KLK13: variants seen among roughly 807,000 people sequenced by gnomAD.
KLK13 encodes the protein kallikrein related peptidase 13.
A neutral mutation model predicts 22.4 loss-of-function variants in KLK13; 19 were observed. The ratio of observed to expected loss-of-function variants is 0.85; its 90% CI spans 0.59 to 1.24. The LOEUF (loss-of-function observed/expected upper bound fraction) is 1.24. Ranked by LOEUF, KLK13 falls within the 50% of genes most tolerant of loss-of-function variation. The pLI is 0.00. For missense variants in KLK13, 311 were observed against 347.9 expected, an observed-to-expected ratio of 0.89 and a Z score of 0.84; for synonymous variants, 156 against 141.8, an observed-to-expected ratio of 1.10 and a Z score of -0.71.
chr19:51,064,690 C>G (rs551334281), intron 1 of KLK13: 68 of 603,926 alleles, frequency 1.1e-4, no homozygotes, highest in South Asian at 5.2e-4. Context: ...AAAGCAGCTG[C>G]TAGGCTACTG....
chr19:51,055,754 T>C lies in KLK13; in HGVS notation c.*833A>G, dbSNP rs535821696. Among the ~76,000 whole-genome samples the C allele has an allele frequency of 1.7e-4, 26 of 152,338 alleles. No individual in the cohort carries two copies. Among genetic ancestry groups the C allele is most frequent in the African/African-American group, 6.0e-4 (25 of 41,568 alleles). On this transcript the variant is annotated 3_prime_UTR_variant, in exon 5 of 5. Transcript: ENST00000595793. The stretch of plus-strand genomic sequence containing the variant: ...ACTTGTCCAAAGCAAGGATTTGCAC[T>C]ACATTTTAGGGTCATGCACAAAGAT...
upstream of KLK13, chr19:51,065,093 AGGGCGGGCG>A: frequency 1.5e-5 from 5 of 333,416 alleles, no homozygotes; most frequent in Non-Finnish European, 2.4e-5. Flanking sequence ...AGGGGAGGGC[AGGGCGGGCG>A]GGGCCTGAGG....
chr19:51,058,573 C>A lies in KLK13; in HGVS notation c.610G>T (p.Ala204Ser), dbSNP rs1347565519. The change falls in exon 4 of 5, where the codon GCC (alanine) becomes TCC (serine). Residue 204 changes from alanine to serine, a missense_variant. Transcript: ENST00000595793. ...PGKITDNMLCAGTKEGGKDSC... is the reference protein window; with the variant it reads ...PGKITDNMLCSGTKEGGKDSC... ...TCTTTGCCACCCTCTTTTGTGCCGG[C>A]ACACAACATGTTGTCAGTGATCTTT... 1 of 1,614,176 alleles carries A rather than the reference C, an allele frequency of 6.2e-7. No individual in the cohort carries two copies. The highest frequency in any genetic ancestry group is 1.7e-5 in the Admixed American group (1 of 60,020).
upstream of KLK13, chr19:51,065,099 G>T: frequency 2.9e-6 from 4 of 1,395,508 alleles, no homozygotes; most frequent in Non-Finnish European, 3.9e-6. Context: ...GGGCAGGGCG[G>T]GCGGGGCCTG....
chr19:51,059,707 A>C, intron 3 of KLK13, 118 bp downstream of exon 3: 1 of 598,786 alleles, frequency 1.7e-6, no homozygotes, highest in Non-Finnish European at 2.4e-6. Flanking sequence ...ATATATATTT[A>C]TTTACTTATT....
intron 3 of KLK13, 30 bp from the exon 4 acceptor site, chr19:51,058,704 A>G (rs754266261): frequency 1.7e-5 from 28 of 1,612,848 alleles, no homozygotes; most frequent in Admixed American, 6.7e-5. Context: ...GGTCTAAGGT[A>G]TCCGACCTGG....
At chr19:51,065,092 C>CG, upstream of KLK13, 1 of 495,930 alleles carries the variant, frequency 2.0e-6, no homozygotes. Flanking sequence ...GAGGGGAGGG[C>CG]AGGGCGGGCG....
At chr19:51,065,094 G>T, upstream of KLK13, 4 of 1,458,552 alleles carry the variant, frequency 2.7e-6, no homozygotes, top group Non-Finnish European at 3.7e-6. Context: ...GGGGAGGGCA[G>T]GGCGGGCGGG....
In KLK13 at chr19:51,065,038, G is replaced by T; in HGVS notation, c.30C>A (p.Ser10=). Reference sequence around the variant, plus strand: ...TACCTCCTGACAAGGCCAAGGTCAGGGAGGCGATCACTAGGGCCAGGGGCC... The same window carrying T: ...TACCTCCTGACAAGGCCAAGGTCAGTGAGGCGATCACTAGGGCCAGGGGCC... The part of the protein sequence containing the change: MWPLALVIA[S]LTLALSGGVS... The change falls in exon 1 of 5, where the codon TCC becomes TCA. Residue 10 remains serine, a synonymous_variant. Coordinates refer to ENST00000595793, the MANE Select transcript of KLK13 (RefSeq NM_015596.3). The T allele has an allele frequency of 6.4e-7, 1 of 1,554,702 alleles. No homozygotes were observed. Among genetic ancestry groups the T allele is most frequent in the South Asian group, 1.2e-5 (1 of 84,110 alleles).
chr19:51,064,726 G>A (rs2091764070), intron 1 of KLK13: 1 of 637,204 alleles, frequency 1.6e-6, no homozygotes, highest in Non-Finnish European at 2.9e-6. Flanking sequence ...GTCAGGACGC[G>A]AACCCATGTC....
At chr19:51,056,924 G>A (rs190756592) in intron 4 of KLK13, 149 bp from the exon 5 acceptor site, 32 of 599,534 alleles carry the variant, frequency 5.3e-5, no homozygotes, top group African/African-American at 4.4e-4. Context: ...CACACACAGT[G>A]TGAGAGAAAG....
At chr19:51,063,680 A>G in intron 1 of KLK13, 2 of 456,604 alleles carry the variant, frequency 4.4e-6, no homozygotes, top group South Asian at 3.1e-5. Context: ...GAATCCAGGG[A>G]GTGTCGCCAG....
intron 1 of KLK13, among the ~76,000 whole-genome samples, chr19:51,061,162 C>T (rs1441521272): frequency 6.6e-6 from 1 of 151,720 alleles, no homozygotes; most frequent in East Asian, 1.9e-4. Flanking sequence ...TCTGTCCCTC[C>T]ATCCACTGGT....
Position 51,059,878 on chromosome 19 carries a change from G to A in KLK13, c.455C>T (p.Thr152Ile). 1.9e-6 allele frequency: 3 copies of A among 1,604,672 alleles called. No homozygotes were observed. The highest frequency in any genetic ancestry group is 1.7e-4 in the Middle Eastern group (1 of 6,010). ...AGACACCCGACAGGTGGTGCCAGGGGTTAGGCGGTTGTTGTGGGAAAGGGG... is the reference window on the plus strand; with the variant it reads ...AGACACCCGACAGGTGGTGCCAGGGATTAGGCGGTTGTTGTGGGAAAGGGG... ...TLPLSHNNRL[T>I]PGTTCRVSGW... Residue 152 changes from threonine (T) to isoleucine (I), a missense_variant, in exon 3 of 5, where the codon ACC (threonine) becomes ATC (isoleucine). By Grantham distance (89) the Thr-to-Ile change is moderately conservative. Transcript: ENST00000595793.
At chr19:51,057,401 T>C (rs28398128) in intron 4 of KLK13, among the ~76,000 whole-genome samples, 6 of 152,216 alleles carry the variant, frequency 3.9e-5, no homozygotes, top group African/African-American at 1.4e-4. Context: ...CTCTTATTTT[T>C]AAAAAATTAA....
At position 51,056,839 on chromosome 19, in the gene KLK13, A is replaced by T. The variant is rs1009877269; in HGVS notation, c.646-64T>A. ...TGCTGGGGCTAAACAAGGCAGGGAC[A>T]GGGAGGTGTGGGGAGAGAGTGAAAG... On this transcript the variant is annotated intron_variant, in intron 4 of 4. Transcript: ENST00000595793. The T allele has an allele frequency of 8.5e-6, 11 of 1,300,182 alleles. No individual in the cohort carries two copies. In the Middle Eastern group the frequency reaches 6.4e-4, roughly 75 times the overall value. The allele number at this position is 1,300,182 out of a possible 1,614,324, so 80.5% of individuals were successfully genotyped here. A position where few individuals can be genotyped will look rare whatever the true frequency, so the allele number is the denominator to read the frequency against.
Position 51,060,556 on chromosome 19 carries a change from C to T in KLK13, c.116G>A (p.Gly39Asp). Residue 39 changes from glycine (G) to aspartate (D), a missense_variant, in exon 2 of 5, where the codon GGC becomes GAC. Coordinates refer to ENST00000595793, the MANE Select transcript of KLK13 (RefSeq NM_015596.3). Reference sequence around the variant, plus strand: ...CTGAGAGTGGGGGAAGCAGGTGTAGCCACCTGGGAGAAACCCACTGGTCCC... The same window carrying T: ...CTGAGAGTGGGGGAAGCAGGTGTAGTCACCTGGGAGAAACCCACTGGTCCC... ...TNGTSGFLPG[G>D]YTCFPHSQPW... The T allele has an allele frequency of 6.2e-7, 1 of 1,613,770 alleles. No homozygotes were observed. Among genetic ancestry groups the T allele is most frequent in the Non-Finnish European group, 8.5e-7 (1 of 1,179,788 alleles).
In KLK13 at chr19:51,059,762, A is replaced by ATGTTTCCT. The variant is rs762735061; in HGVS notation, c.508+62_508+63insAGGAAACA. 12 of 1,377,392 alleles carry ATGTTTCCT rather than the reference A, an allele frequency of 8.7e-6. No individual in the cohort carries two copies. The East Asian group carries it at 2.7e-4, about 31-fold the overall frequency. The allele number at this position is 1,377,392 out of a possible 1,614,324, so 85.3% of individuals were successfully genotyped here. On this transcript the variant is annotated intron_variant, in intron 3 of 4. Transcript: ENST00000595793. ...GAACCTACCTCAGACCTTCCCTCCC[A>ATGTTTCCT]TCTCTGCCCCTGTTTCCCCAGCCAC...
chr19:51,056,645 C>A lies in KLK13; in HGVS notation c.776G>T (p.Arg259Leu), dbSNP rs141343299. The A allele has an allele frequency of 1.2e-6, 2 of 1,614,016 alleles. No individual in the cohort carries two copies. Among genetic ancestry groups the A allele is most frequent in the Non-Finnish European group, 1.7e-6 (2 of 1,180,034 alleles). Residue 259 changes from arginine (R) to leucine (L), a missense_variant, in exon 5 of 5, where the codon CGT becomes CTT. Transcript: ENST00000595793. ...GGTTTCATATTTTCGGATTGTTTCA[C>A]GGATCCACAGGACGTATCTTGAGAC... ...TRVSRYVLWI[R>L]ETIRKYETQQ... is the part of the protein sequence containing the mutation.
Sources: gnomAD v4.1 joint callset for allele counts (sites outside exome capture counted in the v4.1 genomes callset) on GRCh38, gnomAD v4.1.1 for gene constraint, MANE v1.5 for transcripts, NCBI Gene and HGNC (gene_info 2026-07-23, HGNC 2026-07-21) for gene names.